The following CCDC15 variants were observed in gnomAD, a reference collection of about 807,000 sequenced individuals.
The protein encoded by CCDC15 is coiled-coil domain-containing protein 15.
Under a neutral mutation model 114.5 loss-of-function variants are expected in CCDC15, and 105 were observed. That is an observed-to-expected ratio of 0.92 (90% CI 0.78 to 1.08). CCDC15 has a LOEUF of 1.08. CCDC15 is among the 50% of genes least tolerant of loss of function. The pLI is 0.00. For synonymous variants in CCDC15, 334 were observed against 377.8 expected, an observed-to-expected ratio of 0.88 and a Z score of 1.34; for missense variants, 1,105 against 1,093.6, an observed-to-expected ratio of 1.01 and a Z score of -0.15.
chr11:124,970,373 G>A (rs920325053), intron 4 of CCDC15, among the ~76,000 whole-genome samples: 6 of 152,160 alleles, frequency 3.9e-5, no homozygotes, highest in Non-Finnish European at 8.8e-5. Context: ...AATGCAACTC[G>A]CTGCATTGCA....
chr11:124,989,726 C>T (rs1376131907), intron 8 of CCDC15, among the ~76,000 whole-genome samples: 1 of 152,158 alleles, frequency 6.6e-6, no homozygotes, highest in Non-Finnish European at 1.5e-5. Flanking sequence ...ATAGAGACAC[C>T]TTATTTCCTT....
intron 13 of CCDC15, among the ~76,000 whole-genome samples, chr11:125,029,389 C>G (rs1402330055): frequency 6.6e-6 from 1 of 152,190 alleles, no homozygotes; most frequent in Non-Finnish European, 1.5e-5. Flanking sequence ...TTATGCCTAG[C>G]ATAATACAAC....
Position 125,034,910 on chromosome 11 carries a change from G to GTT in CCDC15, c.2412-3520_2412-3519dup, listed in dbSNP as rs746171528. Among the ~76,000 whole-genome samples, 12 of 152,006 alleles carry GTT rather than the reference G, an allele frequency of 7.9e-5. No homozygotes were observed. The South Asian group carries it at 2.3e-3, about 29-fold the overall frequency. On this transcript the variant is annotated intron_variant, in intron 13 of 15. Transcript: ENST00000344762. The stretch of plus-strand genomic sequence containing the variant: ...AAAGACAGAACTATATATATGCATA[G>GTT]TTATATATATATAAACTCTCATATA...
intron 2 of CCDC15, among the ~76,000 whole-genome samples, chr11:124,957,259 G>C (rs1304276322): frequency 6.6e-6 from 1 of 152,184 alleles, no homozygotes; most frequent in Non-Finnish European, 1.5e-5. Flanking sequence ...CCGGCTATTG[G>C]CTGGAGCTAG....
chr11:124,974,118 G>T (rs979359120), intron 4 of CCDC15, among the ~76,000 whole-genome samples: 1 of 152,036 alleles, frequency 6.6e-6, no homozygotes, highest in African/African-American at 2.4e-5. Context: ...GGGATTACAG[G>T]TGTGCACCAC....
At chr11:124,964,429 T>C (rs1947730908) in intron 4 of CCDC15, among the ~76,000 whole-genome samples, 1 of 152,208 alleles carries the variant, frequency 6.6e-6, no homozygotes, top group Non-Finnish European at 1.5e-5. Flanking sequence ...AGTTCACTCA[T>C]GATTTGGCTG....
chr11:125,018,891 A>C (rs1365498265), intron 13 of CCDC15, among the ~76,000 whole-genome samples: 1 of 152,074 alleles, frequency 6.6e-6, no homozygotes, highest in Middle Eastern at 3.4e-3. Context: ...GGATAGTATA[A>C]GACAAAGTGG....
At chr11:124,959,735 TCTG>T in intron 3 of CCDC15, 77 bp from the exon 4 acceptor site, 2 of 905,768 alleles carry the variant, frequency 2.2e-6, no homozygotes, top group Non-Finnish European at 3.0e-6. Flanking sequence ...TTTAAAATCT[TCTG>T]AACTGCTTTA....
intron 9 of CCDC15, among the ~76,000 whole-genome samples, 171 bp downstream of exon 9, chr11:124,991,754 A>G (rs1948272917): frequency 3.3e-5 from 5 of 152,034 alleles, no homozygotes; most frequent in African/African-American, 1.2e-4. Flanking sequence ...CACAATCTCG[A>G]CTCATTGCAA....
chr11:124,957,698 G>A (rs902896235), intron 2 of CCDC15, among the ~76,000 whole-genome samples: 2 of 152,104 alleles, frequency 1.3e-5, no homozygotes, highest in Admixed American at 6.5e-5. Context: ...TTACCTAATT[G>A]TTCTTTGACA....
intron 6 of CCDC15, among the ~76,000 whole-genome samples, chr11:124,978,168 C>G (rs1481544455): frequency 6.6e-6 from 1 of 152,184 alleles, no homozygotes; most frequent in Admixed American, 6.5e-5. Context: ...TAGTTTCATA[C>G]ATGTTGATGC....
At chr11:125,022,944 A>G (rs1171751088) in intron 13 of CCDC15, among the ~76,000 whole-genome samples, 3 of 151,766 alleles carry the variant, frequency 2.0e-5, no homozygotes, top group Admixed American at 2.0e-4. Context: ...TCCTTTCTAC[A>G]TGTTAGTAGG....
At position 125,027,467 on chromosome 11, in the gene CCDC15, AT is replaced by A. The variant is rs1447090890; in HGVS notation, c.2412-10963del. ...AAGGTGATACCTCATTGTGGTTTTA[AT>A]ATGCATTTCCCTGATAAGTAATGAT... On this transcript the variant is annotated intron_variant, in intron 13 of 15. Coordinates refer to ENST00000344762, the MANE Select transcript of CCDC15 (RefSeq NM_025004.3). Among the ~76,000 whole-genome samples the A allele has an allele frequency of 2.0e-5, 3 of 152,116 alleles. No individual in the cohort carries two copies. The East Asian group carries it at 5.8e-4, about 29-fold the overall frequency.
At position 124,987,281 on chromosome 11, in the gene CCDC15, G is replaced by A. The variant is rs888467095; in HGVS notation, c.1055G>A (p.Gly352Glu). 6.3e-7 allele frequency: 1 copy of A among 1,596,152 alleles called. No individual in the cohort carries two copies. The highest frequency in any genetic ancestry group is 8.5e-7 in the Non-Finnish European group (1 of 1,173,344). ...CTGGAAACCCAGGGTGATTTGACAG[G>A]AATCCAGAGTGTTAAGCCAGATACC... is the stretch of plus-strand genomic sequence containing the variant. The part of the protein sequence containing the change: ...DLLETQGDLT[G>E]IQSVKPDTQA... The change falls in exon 8 of 16, where the codon GGA (glycine) becomes GAA (glutamate). Residue 352 changes from glycine to glutamate, a missense_variant. Gly to Glu is a moderately conservative substitution (Grantham distance 98). Transcript: ENST00000344762.
Position 125,011,245 on chromosome 11 carries a change from A to ATTT in CCDC15, c.2411+6035_2411+6036insTTT, listed in dbSNP as rs774447198. ...TATTATTATTATTATTATTATTATTATTATTTTTTAAGATGGAGTTTCACT... is the reference window on the plus strand; with the variant it reads ...TATTATTATTATTATTATTATTATTATTTTTATTTTTTAAGATGGAGTTTCACT... On this transcript the variant is annotated intron_variant, in intron 13 of 15. Transcript: ENST00000344762. Among the ~76,000 whole-genome samples the ATTT allele has an allele frequency of 7.0e-3, 1,021 of 146,438 alleles. 107 individuals are homozygous for ATTT. The highest frequency in any genetic ancestry group is 0.016 in the African/African-American group (617 of 39,706).
chr11:124,959,245 T>C lies in CCDC15; in HGVS notation c.308T>C (p.Leu103Pro). The change falls in exon 3 of 16, where the codon CTT becomes CCT. Residue 103 changes from leucine to proline, a missense_variant. Coordinates refer to ENST00000344762, the MANE Select transcript of CCDC15 (RefSeq NM_025004.3). ...ATTAGGTTGAGAAAAAAGCAACAGC[T>C]TCAGAAGTCTTATGAAAGAGTAAGT... ...QQIRLRKKQQ[L>P]QKSYERAQKE... 1 of 1,578,744 alleles carries C rather than the reference T, an allele frequency of 6.3e-7. No homozygotes were observed. The highest frequency in any genetic ancestry group is 8.6e-7 in the Non-Finnish European group (1 of 1,167,588).
intron 13 of CCDC15, among the ~76,000 whole-genome samples, chr11:125,030,055 G>A (rs1948727552): frequency 6.6e-6 from 1 of 152,192 alleles, no homozygotes; most frequent in African/African-American, 2.4e-5. Context: ...CCTGGTGGCA[G>A]CATTCCTCTG....
intron 13 of CCDC15, among the ~76,000 whole-genome samples, chr11:125,014,167 C>G (rs1948614260): frequency 1.3e-5 from 2 of 152,124 alleles, no homozygotes; most frequent in African/African-American, 4.8e-5. Flanking sequence ...AGAGCATACA[C>G]TAAGAACATC....
rs1156627786 is a variant in CCDC15, at chr11:125,041,347, A to G, written c.*636A>G. ...ATCCTTTGTCTTTTGAATATCTTCT[A>G]TGTGAAATAATTGTGAGTGACATTT... On this transcript the variant is annotated 3_prime_UTR_variant, in exon 16 of 16. Coordinates refer to ENST00000344762, the MANE Select transcript of CCDC15 (RefSeq NM_025004.3). 2.0e-5 allele frequency: 3 copies of G among 152,172 alleles called. No individual in the cohort carries two copies. Among genetic ancestry groups the G allele is most frequent in the Non-Finnish European group, 4.4e-5 (3 of 68,014 alleles). The allele number at this position is 152,172 out of a possible 1,614,324, so 9.4% of individuals were successfully genotyped here.
Sources: gnomAD v4.1 joint callset for allele counts (sites outside exome capture counted in the v4.1 genomes callset) on GRCh38, gnomAD v4.1.1 for gene constraint, MANE v1.5 for transcripts, NCBI Gene and HGNC (gene_info 2026-07-23, HGNC 2026-07-21) for gene names.